Variants in TFRC observed in about 807,000 individuals in gnomAD.
The protein encoded by TFRC is transferrin receptor.
A neutral mutation model predicts 85.8 loss-of-function variants in TFRC; 35 were observed. That is an observed-to-expected ratio of 0.41 (90% CI 0.31 to 0.54). TFRC has a LOEUF of 0.54. Among genes scored for constraint, TFRC ranks in the 20% least tolerant of loss-of-function variants. The pLI is 0.31. For missense variants in TFRC, 828 were observed against 921.5 expected, an observed-to-expected ratio of 0.90 and a Z score of 1.31; for synonymous variants, 362 against 328.6, an observed-to-expected ratio of 1.10 and a Z score of -1.10.
At chr3:196,062,758 A>G in intron 12 of TFRC, 96 bp downstream of exon 12, 1 of 1,557,744 alleles carries the variant, frequency 6.4e-7, no homozygotes, top group East Asian at 2.2e-5. Context: ...CGCAAAGGCA[A>G]AAGTGGTAAA....
chr3:196,073,615 T>C (rs908296849), intron 4 of TFRC, among the ~76,000 whole-genome samples: 1 of 152,160 alleles, frequency 6.6e-6, no homozygotes, highest in Admixed American at 6.5e-5. Flanking sequence ...CAGAGCTTAG[T>C]ACAACGTTAC....
In TFRC at chr3:196,050,392, A is replaced by C. The variant is rs141112537; in HGVS notation, c.*1550T>G. 1.5e-4 allele frequency: 32 copies of C among 212,664 alleles called. No homozygotes were observed. Among genetic ancestry groups the C allele is most frequent in the African/African-American group, 6.5e-4 (29 of 44,294 alleles). 13.2% of individuals were successfully genotyped at this position (212,664 alleles called of 1,614,324 possible). A position where few individuals can be genotyped will look rare whatever the true frequency, so the allele number is the denominator to read the frequency against. ...CTGCAACTAAAACTAAAAGATAGGGAATTATAGGAGTTGGGATACATGTTA... is the reference window on the plus strand; with the variant it reads ...CTGCAACTAAAACTAAAAGATAGGGCATTATAGGAGTTGGGATACATGTTA... On this transcript the variant is annotated 3_prime_UTR_variant, in exon 19 of 19. Coordinates refer to ENST00000360110, the MANE Select transcript of TFRC (RefSeq NM_001128148.3).
At chr3:196,073,403 G>A (rs369771055) in intron 4 of TFRC, among the ~76,000 whole-genome samples, 4 of 152,074 alleles carry the variant, frequency 2.6e-5, no homozygotes, top group East Asian at 3.9e-4. Flanking sequence ...GCACGCCACC[G>A]TATTCCAGCC....
intron 5 of TFRC, 144 bp from the exon 6 acceptor site, chr3:196,071,642 G>T: frequency 1.1e-6 from 1 of 886,938 alleles, no homozygotes; most frequent in Non-Finnish European, 1.7e-6. Flanking sequence ...AAAGCCTTTG[G>T]GCCGCATGCG....
rs754145206 is a variant in TFRC at position 196,055,328 on chromosome 3, C to T, written c.1678-27G>A. On this transcript the variant is annotated intron_variant, in intron 16 of 18. Coordinates refer to ENST00000360110, the MANE Select transcript of TFRC (RefSeq NM_001128148.3). The stretch of plus-strand genomic sequence containing the variant: ...TGCAAGACAACGCGAGGCTATGGTA[C>T]TCACGTGAGTTCTAAGAGCAAGAGC... 9.4e-6 allele frequency: 15 copies of T among 1,589,292 alleles called. No individual in the cohort carries two copies. In the Admixed American group the frequency reaches 2.5e-4, roughly 27 times the overall value.
Position 196,068,070 on chromosome 3 carries a change from A to G in TFRC, c.862T>C (p.Phe288Leu), listed in dbSNP as rs1205511879. 6.2e-7 allele frequency: 1 copy of G among 1,613,436 alleles called. No homozygotes were observed. Among genetic ancestry groups the G allele is most frequent in the East Asian group, 2.2e-5 (1 of 44,848 alleles). ...GVLIYMDQTK[F>L]PIVNAELSFF... Reference sequence around the variant, plus strand: ...GAAAGTTCTGCGTTAACAATGGGAAATTTAGTCTGGTCCATGTATATCAAC... The same window carrying G: ...GAAAGTTCTGCGTTAACAATGGGAAGTTTAGTCTGGTCCATGTATATCAAC... The change falls in exon 8 of 19, where the codon TTT becomes CTT. Residue 288 changes from phenylalanine to leucine, a missense_variant. Transcript: ENST00000360110.
chr3:196,069,115 T>C (rs1292074249), intron 7 of TFRC, among the ~76,000 whole-genome samples: 2 of 152,102 alleles, frequency 1.3e-5, no homozygotes, highest in Non-Finnish European at 1.5e-5. Flanking sequence ...GCCACTTTTT[T>C]TAAAAATGCA....
At position 196,053,488 on chromosome 3, in the gene TFRC, G is replaced by C; in HGVS notation, c.1970C>G (p.Thr657Arg). ...GDFFRATSRL[T>R]TDFGNAEKTD... ...TTTCTCAGCATTCCCGAAATCTGTT[G>C]TTAGTCTGGAAGTAGCACGGAAGAA... is the stretch of plus-strand genomic sequence containing the variant. The change falls in exon 18 of 19, where the codon ACA (threonine) becomes AGA (arginine). Residue 657 changes from threonine (T) to arginine (R), a missense_variant. Transcript: ENST00000360110. 1 of 1,614,178 alleles carries C rather than the reference G, an allele frequency of 6.2e-7. No homozygotes were observed. Among genetic ancestry groups the C allele is most frequent in the Non-Finnish European group, 8.5e-7 (1 of 1,180,024 alleles).
chr3:196,079,346 C>T lies in TFRC; in HGVS notation c.-23-2224G>A, dbSNP rs189539599. On this transcript the variant is annotated intron_variant, in intron 1 of 18. Transcript: ENST00000360110. ...AGCGATGGCCGGGCATGGTGGCTCA[C>T]GCCTGTAATCCCAGCAACACTTTGG... Among the ~76,000 whole-genome samples the T allele has an allele frequency of 1.5e-3, 235 of 151,976 alleles. 3 individuals carry two copies. The highest frequency in any genetic ancestry group is 2.8e-4 in the Non-Finnish European group (19 of 67,946).
At chr3:196,052,320 C>G in intron 18 of TFRC, 136 bp from the exon 19 acceptor site, 1 of 897,628 alleles carries the variant, frequency 1.1e-6, no homozygotes, top group South Asian at 1.8e-5. Context: ...TTTTTTGACA[C>G]AGAGTTTCGC....
rs1191715950 is a variant in TFRC, at chr3:196,053,466, C to T, written c.1992G>A (p.Glu664=). 5 of 1,614,054 alleles carry T rather than the reference C, an allele frequency of 3.1e-6. No homozygotes were observed. The highest frequency in any genetic ancestry group is 1.3e-5 in the African/African-American group (1 of 74,916). ...SRLTTDFGNA[E]KTDRFVMKKL... ...TCTTCATGACAAATCTGTCTGTTTT[C>T]TCAGCATTCCCGAAATCTGTTGTTA... Residue 664 remains glutamate, a synonymous_variant, in exon 18 of 19, where the codon GAG becomes GAA. Transcript: ENST00000360110.
In TFRC at chr3:196,065,428, G is replaced by A. The variant is rs767161467; in HGVS notation, c.1198+15C>T. On this transcript the variant is annotated intron_variant, in intron 10 of 18. Coordinates refer to ENST00000360110, the MANE Select transcript of TFRC (RefSeq NM_001128148.3). ...AAAAAAAAGCGGGGCGGGGGGGGGGGGGGGCGGTCTTTACCTGGTTCTACA... is the reference window on the plus strand; with the variant it reads ...AAAAAAAAGCGGGGCGGGGGGGGGGAGGGGCGGTCTTTACCTGGTTCTACA... 1 of 675,942 alleles carries A rather than the reference G, an allele frequency of 1.5e-6. No homozygotes were observed. Among genetic ancestry groups the A allele is most frequent in the South Asian group, 2.2e-5 (1 of 45,084 alleles). The allele number at this position is 675,942 out of a possible 1,614,324, so 41.9% of individuals were successfully genotyped here. A position where few individuals can be genotyped will look rare whatever the true frequency, so the allele number is the denominator to read the frequency against.
chr3:196,081,276 G>GT (rs1420921509), intron 1 of TFRC, among the ~76,000 whole-genome samples: 1 of 152,176 alleles, frequency 6.6e-6, no homozygotes, highest in Non-Finnish European at 1.5e-5. Flanking sequence ...CACCTGCGGC[G>GT]TTCAGTCGGA....
chr3:196,070,853 G>A (rs987190425), intron 6 of TFRC, among the ~76,000 whole-genome samples: 17 of 151,612 alleles, frequency 1.1e-4, no homozygotes, highest in African/African-American at 4.1e-4. Context: ...TACTCAAGAG[G>A]CTCACTTGAG....
Position 196,075,995 on chromosome 3 carries a change from G to A in TFRC, c.37-635C>T, listed in dbSNP as rs549326994. Among the ~76,000 whole-genome samples the A allele has an allele frequency of 2.6e-5, 4 of 150,996 alleles. No individual in the cohort carries two copies. In the South Asian group the frequency reaches 6.3e-4, roughly 24 times the overall value. ...TTCAAAAAAAAAAAAACCACTAGCTGGGCATGGTGTCGCACGCCTGTAATC... is the reference window on the plus strand; with the variant it reads ...TTCAAAAAAAAAAAAACCACTAGCTAGGCATGGTGTCGCACGCCTGTAATC... On this transcript the variant is annotated intron_variant, in intron 2 of 18. Coordinates refer to ENST00000360110, the MANE Select transcript of TFRC (RefSeq NM_001128148.3).
intron 2 of TFRC, among the ~76,000 whole-genome samples, chr3:196,076,622 T>C (rs542662339): frequency 6.6e-6 from 1 of 152,096 alleles, no homozygotes; most frequent in African/African-American, 2.4e-5. Flanking sequence ...GCTAATTTTT[T>C]TTTTTTTTGT....
intron 1 of TFRC, among the ~76,000 whole-genome samples, chr3:196,080,452 T>C (rs1406299260): frequency 6.6e-6 from 1 of 152,240 alleles, no homozygotes; most frequent in Admixed American, 6.5e-5. Flanking sequence ...TTAGTCAGAC[T>C]GGACTCGAAC....
At chr3:196,081,359 G>A (rs1432925432) in intron 1 of TFRC, among the ~76,000 whole-genome samples, 1 of 152,266 alleles carries the variant, frequency 6.6e-6, no homozygotes, top group Non-Finnish European at 1.5e-5. Flanking sequence ...TTGTACCAGA[G>A]CCGAAGGGTA....
At chr3:196,054,480 A>G (rs1402136731) in intron 17 of TFRC, among the ~76,000 whole-genome samples, 2 of 152,200 alleles carry the variant, frequency 1.3e-5, no homozygotes, top group Non-Finnish European at 2.9e-5. Context: ...ACTTCAATTA[A>G]GAGATCTGTT....
Sources: allele counts gnomAD v4.1 joint callset (sites outside exome capture counted in the v4.1 genomes callset), GRCh38; gene constraint gnomAD v4.1.1; transcripts MANE v1.5; gene names NCBI Gene and HGNC (gene_info 2026-07-23, HGNC 2026-07-21).